The following MCM4 variants were observed in gnomAD, a reference collection of about 807,000 sequenced individuals.
MCM4 encodes the protein minichromosome maintenance complex component 4.
A neutral mutation model predicts 88.7 loss-of-function variants in MCM4; 60 were observed. That is an observed-to-expected ratio of 0.68 (90% CI 0.55 to 0.84). The LOEUF is 0.84. MCM4 is among the 40% of genes least tolerant of loss of function. MCM4 has a pLI of 0.00. For synonymous variants in MCM4, 465 were observed against 410.5 expected (o/e 1.13, Z -1.61); for missense variants, 1,149 against 1,105.5 (o/e 1.04, Z -0.56).
chr8:47,964,605 A>G lies in MCM4; in HGVS notation c.725A>G (p.Asn242Ser), dbSNP rs1164178301. 2 of 1,599,426 alleles carry G rather than the reference A, an allele frequency of 1.3e-6. No homozygotes were observed. The highest frequency in any genetic ancestry group is 1.3e-5 in the African/African-American group (1 of 74,230). The part of the protein sequence containing the change: ...EVIPTFDMAV[N>S]EIFFDRYPDS... ...ATTCCAACTTTTGACATGGCTGTCA[A>G]TGAAATCTTCTTTGACCGTTACCCT... is the stretch of plus-strand genomic sequence containing the variant. The change falls in exon 8 of 17, where the codon AAT becomes AGT. Residue 242 changes from asparagine to serine, a missense_variant. By Grantham distance (46) the Asn-to-Ser change is conservative. Transcript: ENST00000649973.
At chr8:47,965,180 A>C (rs956152634) in intron 8 of MCM4, among the ~76,000 whole-genome samples, 1 of 151,552 alleles carries the variant, frequency 6.6e-6, no homozygotes, top group Non-Finnish European at 1.5e-5. Context: ...GTGCCATTGC[A>C]CTCCAGCCTG....
At chr8:47,962,634 AAAGAAAAAGG>A in intron 5 of MCM4, 120 bp from the exon 6 acceptor site, 2 of 726,572 alleles carry the variant, frequency 2.8e-6, no homozygotes, top group East Asian at 5.1e-5. Context: ...AAATTTTAGA[AAAGAAAAAGG>A]AAGAAAAATA....
chr8:47,973,073 G>C lies in MCM4; in HGVS notation c.2136+9G>C, dbSNP rs1298515030. 1.2e-6 allele frequency: 2 copies of C among 1,609,850 alleles called. No individual in the cohort carries two copies. Among genetic ancestry groups the C allele is most frequent in the Non-Finnish European group, 1.7e-6 (2 of 1,178,938 alleles). ...GCCAGGCTCTCATCGAGGTAACCCT[G>C]CTGAAAAAAGGCTTACTGTGCCTGT... On this transcript the variant is annotated intron_variant, in intron 14 of 16. Coordinates refer to ENST00000649973, the MANE Select transcript of MCM4 (RefSeq NM_182746.3).
In MCM4 at chr8:47,970,122, T is replaced by A. The variant is rs947702135; in HGVS notation, c.1434+65T>A. ...TCTTTGGGATCAAATAGTATAAACA[T>A]CCACTCCGCCACTCGAGCCATCCGC... On this transcript the variant is annotated intron_variant, in intron 11 of 16. Transcript: ENST00000649973. 24 of 1,545,318 alleles carry A rather than the reference T, an allele frequency of 1.6e-5. No individual in the cohort carries two copies. In the African/African-American group the frequency reaches 2.7e-4, roughly 18 times the overall value.
chr8:47,962,669 C>A, intron 5 of MCM4, 95 bp from the exon 6 acceptor site: 1 of 761,416 alleles, frequency 1.3e-6, no homozygotes. Context: ...TTATTTCTGT[C>A]TCCTGATAGT....
intron 13 of MCM4, among the ~76,000 whole-genome samples, 155 bp downstream of exon 13, chr8:47,971,623 A>T (rs1468152322): frequency 6.6e-6 from 1 of 152,094 alleles, no homozygotes. Context: ...GACAAGGATG[A>T]TGTGTGTTCT....
rs138260201 is a variant in MCM4, at chr8:47,974,872, G to A, written c.2275G>A (p.Glu759Lys). ...TAACAAAGTTGAAGCCATTGATGTG[G>A]AAGAGGCCAAACGCCTCCATCGGGA... Reference protein sequence around the residue: ...LSNKVEAIDVEEAKRLHREAL... With the variant: ...LSNKVEAIDVKEAKRLHREAL... The change falls in exon 15 of 17, where the codon GAA becomes AAA. Residue 759 changes from glutamate (E) to lysine (K), a missense_variant. Physicochemically the swap from Glu to Lys is moderately conservative, Grantham distance 56. Around this residue, in one of 3 missense-constraint regions of MCM4, gnomAD observed 238 missense variants for 241.6 expected, o/e 0.99. Transcript: ENST00000649973. 8.7e-6 allele frequency: 14 copies of A among 1,614,230 alleles called. No individual in the cohort carries two copies. The highest frequency in any genetic ancestry group is 1.2e-5 in the Non-Finnish European group (14 of 1,180,038).
chr8:47,970,390 A>G (rs1432448216), intron 11 of MCM4, 121 bp from the exon 12 acceptor site: 1 of 1,300,148 alleles, frequency 7.7e-7, no homozygotes, highest in East Asian at 2.3e-5. Flanking sequence ...GCCTTTTTAT[A>G]CCTTCCTGTG....
intron 8 of MCM4, among the ~76,000 whole-genome samples, chr8:47,965,487 A>G (rs570485318): frequency 8.8e-4 from 134 of 152,284 alleles, no homozygotes; most frequent in Non-Finnish European, 1.1e-3. Context: ...ACAAAATTGT[A>G]GAGGTCTCAT....
At chr8:47,964,426 A>G (rs1374178005) in intron 7 of MCM4, 148 bp from the exon 8 acceptor site, 12 of 522,624 alleles carry the variant, frequency 2.3e-5, no homozygotes, top group Non-Finnish European at 3.6e-5. Context: ...GCATACCTAA[A>G]TTTGAAAACA....
intron 6 of MCM4, 36 bp from the exon 7 acceptor site, chr8:47,962,909 T>G (rs756109953): frequency 1.9e-6 from 3 of 1,572,636 alleles, no homozygotes; most frequent in Admixed American, 1.9e-5. Flanking sequence ...AATAGTTAAA[T>G]TAGCAAAATA....
intron 16 of MCM4, 65 bp downstream of exon 16, chr8:47,975,913 GT>G (rs1199037846): frequency 8.5e-6 from 10 of 1,176,666 alleles, no homozygotes; most frequent in Admixed American, 6.2e-5. Context: ...TTGCTTTTGG[GT>G]TTTTTTCCTT....
rs770913280 is a variant in MCM4 at position 47,962,144 on chromosome 8, C to T, written c.327C>T (p.Gly109=). 1.6e-5 allele frequency: 26 copies of T among 1,614,186 alleles called. 1 individual carries two copies. In the South Asian group the frequency reaches 2.2e-4, roughly 14 times the overall value. ...VEGTPRSGVR[G]TPVRQRPDLG... ...GAACCCCAAGAAGTGGTGTTAGGGG[C>T]ACACCTGTGAGACAGAGGCCTGACC... The change falls in exon 4 of 17, where the codon GGC becomes GGT. Residue 109 remains glycine (G), a synonymous_variant. Coordinates refer to ENST00000649973, the MANE Select transcript of MCM4 (RefSeq NM_182746.3).
At chr8:47,967,327 CTT>C (rs749015541) in intron 9 of MCM4, 36 bp from the exon 10 acceptor site, 3 of 1,613,082 alleles carry the variant, frequency 1.9e-6, no homozygotes, top group South Asian at 1.1e-5. Flanking sequence ...CCTGCCCTCT[CTT>C]TGTGGCCCAC....
At position 47,972,900 on chromosome 8, in the gene MCM4, T is replaced by C; in HGVS notation, c.1972T>C (p.Tyr658His). 4.3e-6 allele frequency: 7 copies of C among 1,614,172 alleles called. No homozygotes were observed. Among genetic ancestry groups the C allele is most frequent in the Non-Finnish European group, 5.9e-6 (7 of 1,180,034 alleles). Reference protein sequence around the residue: ...FLLLDPQDEAYDRRLAHHLVA... With the variant: ...FLLLDPQDEAHDRRLAHHLVA... ...CTTGCTGGACCCTCAGGACGAAGCC[T>C]ATGACAGGCGTCTGGCTCACCACCT... The change falls in exon 14 of 17, where the codon TAT becomes CAT. Residue 658 changes from tyrosine (Y) to histidine (H), a missense_variant. Physicochemically the swap from Tyr to His is moderately conservative, Grantham distance 83. Transcript: ENST00000649973.
rs775414807 is a variant in MCM4 at position 47,975,839 on chromosome 8, A to G, written c.2490A>G (p.Gln830=). 2.0e-5 allele frequency: 32 copies of G among 1,573,738 alleles called. No individual in the cohort carries two copies. Among genetic ancestry groups the G allele is most frequent in the Non-Finnish European group, 2.7e-5 (32 of 1,165,282 alleles). Residue 830 remains glutamine, a synonymous_variant, in exon 16 of 17, where the codon CAA becomes CAG. Transcript: ENST00000649973. ...YQQLFEDIRG[Q]SDIAITKDMF... is the part of the protein sequence containing the mutation. ...AACTTTTTGAAGATATTCGGGGACA[A>G]TCTGACATAGTAAGTGTTTATATGT...
In MCM4 at chr8:47,961,617, GA is replaced by G; in HGVS notation, c.173del (p.Asp58AlafsTer33). On this transcript the variant is annotated frameshift_variant, in exon 3 of 17. Transcript: ENST00000649973. LOFTEE classifies it high-confidence loss of function. ...LQPMPTSPGV[D>X]LQSPAAQDVL... Reference sequence around the variant, plus strand: ...GCCGATGCCAACCTCGCCTGGAGTGGACCTGCAGAGCCCTGCTGCGCAGGAC... The same window carrying G: ...GCCGATGCCAACCTCGCCTGGAGTGGCCTGCAGAGCCCTGCTGCGCAGGAC... 2 of 1,614,156 alleles carry G rather than the reference GA, an allele frequency of 1.2e-6. No homozygotes were observed. Among genetic ancestry groups the G allele is most frequent in the Non-Finnish European group, 1.7e-6 (2 of 1,180,030 alleles).
intron 14 of MCM4, chr8:47,974,152 T>G (rs1268982528): frequency 2.0e-5 from 3 of 152,548 alleles, no homozygotes; most frequent in African/African-American, 4.8e-5. Flanking sequence ...GGTGCTTTGA[T>G]GAGCTTTGCA....
chr8:47,969,709 T>G, intron 10 of MCM4, 89 bp from the exon 11 acceptor site: 1 of 1,381,416 alleles, frequency 7.2e-7, no homozygotes, highest in East Asian at 2.3e-5. Flanking sequence ...TGCCTCGCTC[T>G]GAAGTGCACC....
Sources: gnomAD v4.1 joint callset for allele counts (sites outside exome capture counted in the v4.1 genomes callset) on GRCh38, gnomAD v4.1.1 for gene constraint, gnomAD v4.1.1 regional missense constraint, MANE v1.5 for transcripts, NCBI Gene and HGNC (gene_info 2026-07-23, HGNC 2026-07-21) for gene names.